HSPG2: variants seen among roughly 807,000 people sequenced by gnomAD.
HSPG2 encodes heparan sulfate proteoglycan 2.
Under a neutral mutation model 526.6 loss-of-function variants are expected in HSPG2, and 278 were observed. That is an observed-to-expected ratio of 0.53 (90% CI 0.48 to 0.58). HSPG2 has a LOEUF of 0.58. HSPG2 is among the 20% of genes least tolerant of loss of function. The pLI is 0.00. For synonymous variants in HSPG2, 2,465 were observed against 2,555.4 expected (o/e 0.96, Z 1.07); for missense variants, 5,354 against 6,099.5 (o/e 0.88, Z 4.07).
At chr1:21,843,548 T>C in intron 65 of HSPG2, 110 bp from the exon 66 acceptor site, 1 of 1,164,754 alleles carries the variant, frequency 8.6e-7, no homozygotes. Context: ...AGGCGCATCC[T>C]GTTGGAGGCG....
Position 21,904,090 on chromosome 1 carries a change from C to G in HSPG2, c.64-7780G>C, listed in dbSNP as rs1557814673. ...CGGGGGACAAAATGTGAAATGGACA[C>G]AGAACTCCATGTTCCTGGGGGACAC... On this transcript the variant is annotated intron_variant, in intron 1 of 96. Coordinates refer to ENST00000374695, the MANE Select transcript of HSPG2 (RefSeq NM_005529.7). This position sits in a 1 kb window ranked among gnomAD's most constrained non-coding sequence, Gnocchi z 4.4. 6.6e-6 allele frequency among the ~76,000 whole-genome samples: 1 copy of G among 152,170 alleles called. No homozygotes were observed. Among genetic ancestry groups the G allele is most frequent in the African/African-American group, 2.4e-5 (1 of 41,416 alleles).
At chr1:21,917,615 G>A (rs1054229575) in intron 1 of HSPG2, among the ~76,000 whole-genome samples, 158 of 152,254 alleles carry the variant, frequency 1.0e-3, no homozygotes, top group African/African-American at 3.6e-3. Flanking sequence ...GCCCCCTGAG[G>A]CTCCTAAGAA....
rs748728298 is a variant in HSPG2, at chr1:21,831,508, C to T, written c.11407G>A (p.Asp3803Asn). 3 of 1,614,170 alleles carry T rather than the reference C, an allele frequency of 1.9e-6. No individual in the cohort carries two copies. The highest frequency in any genetic ancestry group is 1.7e-5 in the Admixed American group (1 of 60,024). ...NEELYLGGYP[D>N]YGAIPKAGLS... ...CCCGCCTTGGGGATGGCACCATAGT[C>T]AGGATAGCCACCCAGGTAGAGTTCC... Residue 3803 changes from aspartate (D) to asparagine (N), a missense_variant, in exon 83 of 97, where the codon GAC becomes AAC. Physicochemically the swap from Asp to Asn is conservative, Grantham distance 23. Transcript: ENST00000374695.
chr1:21,847,471 A>G lies in HSPG2; in HGVS notation c.8047T>C (p.Leu2683=), dbSNP rs774373210. Residue 2683 remains leucine (L), a synonymous_variant, in exon 62 of 97, where the codon TTG becomes CTG. Coordinates refer to ENST00000374695, the MANE Select transcript of HSPG2 (RefSeq NM_005529.7). This position sits in a 1 kb window ranked among gnomAD's most constrained non-coding sequence, Gnocchi z 4.1. ...GAGTCAGCCACAGACATTTGGTGCA[A>G]CCGCAGGTGGGAGCCATGGGTCTGG... is the stretch of plus-strand genomic sequence containing the variant. ...RHQTHGSHLR[L]HQMSVADSGE... is the part of the protein sequence containing the mutation. 1.2e-6 allele frequency: 2 copies of G among 1,613,706 alleles called. No homozygotes were observed. The highest frequency in any genetic ancestry group is 1.3e-5 in the African/African-American group (1 of 74,992).
chr1:21,854,469 G>T, intron 49 of HSPG2, 126 bp from the exon 50 acceptor site: 1 of 1,448,462 alleles, frequency 6.9e-7, no homozygotes. Context: ...GCTAGAAACT[G>T]GGAGGGAGGG....
In HSPG2 at chr1:21,841,271, A is replaced by G; in HGVS notation, c.9343T>C (p.Ser3115Pro). The G allele has an allele frequency of 1.9e-6, 3 of 1,613,744 alleles. No individual in the cohort carries two copies. The highest frequency in any genetic ancestry group is 2.5e-6 in the Non-Finnish European group (3 of 1,180,014). Residue 3115 changes from serine (S) to proline (P), a missense_variant, in exon 71 of 97, where the codon TCC becomes CCC. By Grantham distance (74) the Ser-to-Pro change is moderately conservative. Coordinates refer to ENST00000374695, the MANE Select transcript of HSPG2 (RefSeq NM_005529.7). ...CACACGGGGCCCTCGGGGAGCACGGACACTGTAGGGGGCCCTGTGCGGAGG... is the reference window on the plus strand; with the variant it reads ...CACACGGGGCCCTCGGGGAGCACGGGCACTGTAGGGGGCCCTGTGCGGAGG... ...NLSVHGPPTV[S>P]VLPEGPVWVK...
At position 21,864,948 on chromosome 1, in the gene HSPG2, G is replaced by A. The variant is rs368073683; in HGVS notation, c.4521C>T (p.Ser1507=). The A allele has an allele frequency of 2.1e-5, 34 of 1,604,536 alleles. 1 individual carries two copies. In the African/African-American group the frequency reaches 3.1e-4, roughly 14 times the overall value. The change falls in exon 36 of 97, where the codon AGC becomes AGT. Residue 1507 remains serine (S), a synonymous_variant. Transcript: ENST00000374695. The surrounding 1 kb of genome is among the most constrained non-coding windows in gnomAD (Gnocchi z 4.8). ...GCTGGGCGACCTCCAGGCTGACTGC[G>A]CTGATGCTGGCCGCCAGCGGCACGG... ...FSSVPLAASI[S]AVSLEVAQPG... is the part of the protein sequence containing the mutation.
Position 21,913,712 on chromosome 1 carries a change from G to A in HSPG2, c.64-17402C>T, listed in dbSNP as rs1298254737. Among the ~76,000 whole-genome samples the A allele has an allele frequency of 2.0e-5, 3 of 152,370 alleles. No individual in the cohort carries two copies. In the East Asian group the frequency reaches 5.8e-4, roughly 29 times the overall value. On this transcript the variant is annotated intron_variant, in intron 1 of 96. Coordinates refer to ENST00000374695, the MANE Select transcript of HSPG2 (RefSeq NM_005529.7). ...GGCACAGGGAAGGAGGAGAAGGCTA[G>A]AAGGGGAACCCCCAAAAGATTGAGA...
intron 33 of HSPG2, chr1:21,869,566 TGAG>T: frequency 6.1e-6 from 6 of 986,246 alleles, no homozygotes; most frequent in Non-Finnish European, 7.2e-6. Context: ...AGGCTGGGGA[TGAG>T]GAGAGAGCCC....
rs533013721 is a variant in HSPG2, at chr1:21,850,434, C to T, written c.7223G>A (p.Arg2408Gln). The T allele has an allele frequency of 2.5e-5, 41 of 1,611,736 alleles. No individual in the cohort carries two copies. In the South Asian group the frequency reaches 2.6e-4, roughly 10 times the overall value. The change falls in exon 56 of 97, where the codon CGA becomes CAA. Residue 2408 changes from arginine (R) to glutamine (Q), a missense_variant. Coordinates refer to ENST00000374695, the MANE Select transcript of HSPG2 (RefSeq NM_005529.7). ...TAGAGGCACGGAGCTGCCCAACACT[C>T]GGCACACGTACTCGCCCGAGTCGGC... ...SPADSGEYVC[R>Q]VLGSSVPLEA...
chr1:21,852,292 G>T (rs1638964678), intron 52 of HSPG2, 59 bp from the exon 53 acceptor site: 6 of 1,598,068 alleles, frequency 3.8e-6, no homozygotes, highest in South Asian at 3.3e-5. Context: ...GAGGGCAGGG[G>T]TTGCCCACCC....
At position 21,848,216 on chromosome 1, in the gene HSPG2, C is replaced by T. The variant is rs1489144474; in HGVS notation, c.7738-123G>A. On this transcript the variant is annotated intron_variant, in intron 59 of 96. Coordinates refer to ENST00000374695, the MANE Select transcript of HSPG2 (RefSeq NM_005529.7). The surrounding 1 kb of genome is among the most constrained non-coding windows in gnomAD (Gnocchi z 4.9). Reference sequence around the variant, plus strand: ...CCTGCCTTGCCTCCTCAGTGGCCTTCGTGAAGCTCCCAGCATGGCATGTGG... The same window carrying T: ...CCTGCCTTGCCTCCTCAGTGGCCTTTGTGAAGCTCCCAGCATGGCATGTGG... 17 of 1,129,514 alleles carry T rather than the reference C, an allele frequency of 1.5e-5. No individual in the cohort carries two copies. In the East Asian group the frequency reaches 1.5e-4, roughly 10 times the overall value. The allele number at this position is 1,129,514 out of a possible 1,614,324, so 70.0% of individuals were successfully genotyped here. A position where few individuals can be genotyped will look rare whatever the true frequency, so the allele number is the denominator to read the frequency against.
intron 6 of HSPG2, among the ~76,000 whole-genome samples, 154 bp from the exon 7 acceptor site, chr1:21,888,220 C>T (rs1642085078): frequency 6.6e-6 from 1 of 152,224 alleles, no homozygotes; most frequent in Non-Finnish European, 1.5e-5. Context: ...ACACACTAGA[C>T]ACATCCACAG....
Position 21,854,921 on chromosome 1 carries a change from G to A in HSPG2, c.6060C>T (p.Ala2020=), listed in dbSNP as rs374592982. 28 of 1,614,116 alleles carry A rather than the reference G, an allele frequency of 1.7e-5. No homozygotes were observed. Among genetic ancestry groups the A allele is most frequent in the African/African-American group, 1.6e-4 (12 of 75,060 alleles). Residue 2020 remains alanine (A), a synonymous_variant, in exon 48 of 97, where the codon GCC becomes GCT. Coordinates refer to ENST00000374695, the MANE Select transcript of HSPG2 (RefSeq NM_005529.7). ...LLIPAITTAD[A]GFYLCVATSP... ...TGGTGGCCACGCAGAGGTAGAAGCC[G>A]GCGTCAGCAGTCGTGATGGCTGGGA...
chr1:21,846,542 C>T lies in HSPG2; in HGVS notation c.8222G>A (p.Gly2741Glu). ...IESSSSHVAE[G>E]ETLDLNCVVP... Reference sequence around the variant, plus strand: ...CACGCAGTTCAGATCCAGGGTCTCCCCTTCGGCCACGTGTGAGGAGGATGA... The same window carrying T: ...CACGCAGTTCAGATCCAGGGTCTCCTCTTCGGCCACGTGTGAGGAGGATGA... The change falls in exon 63 of 97, where the codon GGG (glycine) becomes GAG (glutamate). Residue 2741 changes from glycine (G) to glutamate (E), a missense_variant. Physicochemically the swap from Gly to Glu is moderately conservative, Grantham distance 98 (BLOSUM62 -2). Coordinates refer to ENST00000374695, the MANE Select transcript of HSPG2 (RefSeq NM_005529.7). 5 of 1,613,744 alleles carry T rather than the reference C, an allele frequency of 3.1e-6. No homozygotes were observed. Among genetic ancestry groups the T allele is most frequent in the Non-Finnish European group, 4.2e-6 (5 of 1,180,044 alleles).
At chr1:21,921,573 T>C (rs1328494124) in intron 1 of HSPG2, among the ~76,000 whole-genome samples, 2 of 152,184 alleles carry the variant, frequency 1.3e-5, no homozygotes, top group African/African-American at 4.8e-5. Flanking sequence ...ACTACTGACA[T>C]ACCTCGGGTG....
At chr1:21,883,778 C>T (rs1641674196) in intron 13 of HSPG2, among the ~76,000 whole-genome samples, 2 of 152,248 alleles carry the variant, frequency 1.3e-5, no homozygotes, top group African/African-American at 2.4e-5. Context: ...CTTGATGCCA[C>T]GTGGAAAACG....
chr1:21,879,095 T>C lies in HSPG2; in HGVS notation c.2370A>G (p.Pro790=). 1.9e-6 allele frequency: 3 copies of C among 1,614,218 alleles called. No individual in the cohort carries two copies. Among genetic ancestry groups the C allele is most frequent in the Non-Finnish European group, 2.5e-6 (3 of 1,180,038 alleles). Residue 790 remains proline, a synonymous_variant, in exon 18 of 97, where the codon CCA becomes CCG. Coordinates refer to ENST00000374695, the MANE Select transcript of HSPG2 (RefSeq NM_005529.7). ...CLNCQHNTEG[P]QCNKCKAGFF... Reference sequence around the variant, plus strand: ...AGCCAGCCTTGCACTTGTTGCACTGTGGCCCCTCCGTGTTGTGCTGGCAAT... The same window carrying C: ...AGCCAGCCTTGCACTTGTTGCACTGCGGCCCCTCCGTGTTGTGCTGGCAAT...
At position 21,854,223 on chromosome 1, in the gene HSPG2, C is replaced by T. The variant is rs138425109; in HGVS notation, c.6409G>A (p.Gly2137Ser). Residue 2137 changes from glycine to serine, a missense_variant, in exon 50 of 97, where the codon GGC becomes AGC. Coordinates refer to ENST00000374695, the MANE Select transcript of HSPG2 (RefSeq NM_005529.7). ...EASITVSVLHGTHSGPSYTPV... is the reference protein window; with the variant it reads ...EASITVSVLHSTHSGPSYTPV... Reference sequence around the variant, plus strand: ...GTGTAGCTGGGGCCAGAATGGGTGCCGTGGAGCACAGACACAGTAATGGAG... The same window carrying T: ...GTGTAGCTGGGGCCAGAATGGGTGCTGTGGAGCACAGACACAGTAATGGAG... 14 of 1,595,338 alleles carry T rather than the reference C, an allele frequency of 8.8e-6. No individual in the cohort carries two copies. The highest frequency in any genetic ancestry group is 1.7e-4 in the Middle Eastern group (1 of 6,036).
Sources: allele counts gnomAD v4.1 joint callset (sites outside exome capture counted in the v4.1 genomes callset), GRCh38; gene constraint gnomAD v4.1.1; non-coding constraint Gnocchi (gnomAD v3.1); transcripts MANE v1.5; gene names NCBI Gene and HGNC (gene_info 2026-07-23, HGNC 2026-07-21).